Variants in KLHL3 observed in about 807,000 individuals in gnomAD.
The protein encoded by KLHL3 is kelch like family member 3.
In KLHL3, 19 loss-of-function variants were observed where a neutral mutation model predicts 70.5. The ratio of observed to expected loss-of-function variants is 0.27; its 90% CI spans 0.19 to 0.40. The LOEUF (loss-of-function observed/expected upper bound fraction) is 0.40. KLHL3 is among the 10% of genes least tolerant of loss of function. The pLI is 1.00. For synonymous variants in KLHL3, 258 were observed against 290.3 expected (o/e 0.89, Z 1.13); for missense variants, 512 against 771.1 (o/e 0.66, Z 3.98).
chr5:137,682,612 G>A (rs1317430275), intron 5 of KLHL3, among the ~76,000 whole-genome samples: 1 of 152,148 alleles, frequency 6.6e-6, no homozygotes, highest in Non-Finnish European at 1.5e-5. Context: ...TAGAGGAAGT[G>A]ATAGTCTTTG....
chr5:137,696,782 C>A (rs930519210), intron 4 of KLHL3, among the ~76,000 whole-genome samples: 1 of 152,144 alleles, frequency 6.6e-6, no homozygotes, highest in South Asian at 2.1e-4. Context: ...AAGGAGGAAT[C>A]ATATTGGTAT....
At chr5:137,631,524 A>G (rs539654128) in intron 12 of KLHL3, among the ~76,000 whole-genome samples, 1 of 152,360 alleles carries the variant, frequency 6.6e-6, no homozygotes, top group African/African-American at 2.4e-5. Flanking sequence ...CAGCTTTGTC[A>G]ACTGAAGACT....
chr5:137,639,087 C>T lies in KLHL3; in HGVS notation c.1085G>A (p.Arg362Gln), dbSNP rs771615693. Residue 362 changes from arginine (R) to glutamine (Q), a missense_variant, in exon 10 of 15, where the codon CGG becomes CAG. Physicochemically the swap from Arg to Gln is conservative, Grantham distance 43. Coordinates refer to ENST00000309755, the MANE Select transcript of KLHL3 (RefSeq NM_017415.3). The surrounding 1 kb of genome is among the most constrained non-coding windows in gnomAD (Gnocchi z 5.0). ...VGGFNGSLRVRTVDVYDGVKD... is the reference protein window; with the variant it reads ...VGGFNGSLRVQTVDVYDGVKD... ...CACGCCGTCATACACATCCACTGTC[C>T]GCACCCGCAGTGAGCCATTAAACCC... The T allele has an allele frequency of 4.1e-5, 66 of 1,613,904 alleles. No homozygotes were observed. Among genetic ancestry groups the T allele is most frequent in the East Asian group, 4.5e-5 (2 of 44,866 alleles).
Position 137,658,122 on chromosome 5 carries a change from G to A in KLHL3, c.903+9C>T. 6.2e-7 allele frequency: 1 copy of A among 1,609,588 alleles called. No individual in the cohort carries two copies. Among genetic ancestry groups the A allele is most frequent in the South Asian group, 1.1e-5 (1 of 90,500 alleles). ...CCTGACTCTTGGTGGTGATTGGGCT[G>A]GGGCTTACCTTGGGAAGGCTGACTG... On this transcript the variant is annotated intron_variant, in intron 8 of 14. Transcript: ENST00000309755.
In KLHL3 at chr5:137,633,898, C is replaced by T. The variant is rs903532701; in HGVS notation, c.1450+139G>A. 66 of 1,135,236 alleles carry T rather than the reference C, an allele frequency of 5.8e-5. No individual in the cohort carries two copies. In the Middle Eastern group the frequency reaches 7.3e-4, roughly 13 times the overall value. The allele number at this position is 1,135,236 out of a possible 1,614,324, so 70.3% of individuals were successfully genotyped here. A position where few individuals can be genotyped will look rare whatever the true frequency, so the allele number is the denominator to read the frequency against. ...ATTTGCGTGATGGGTACACTAGAAGCCCAAACTCGACCATTATGCAATATA... is the reference window on the plus strand; with the variant it reads ...ATTTGCGTGATGGGTACACTAGAAGTCCAAACTCGACCATTATGCAATATA... On this transcript the variant is annotated intron_variant, in intron 12 of 14. Transcript: ENST00000309755.
chr5:137,714,907 C>T (rs1463569400), intron 2 of KLHL3, among the ~76,000 whole-genome samples: 5 of 152,144 alleles, frequency 3.3e-5, no homozygotes, highest in African/African-American at 1.2e-4. Flanking sequence ...GAGCAGAGAA[C>T]TGTTTGCAAT....
At chr5:137,658,850 A>T (rs1751407403) in intron 7 of KLHL3, among the ~76,000 whole-genome samples, 2 of 152,222 alleles carry the variant, frequency 1.3e-5, no homozygotes, top group South Asian at 4.1e-4. Flanking sequence ...TCCTTCTAAC[A>T]GAGTAACAAC....
intron 13 of KLHL3, 83 bp downstream of exon 13, chr5:137,628,214 A>T: frequency 6.6e-7 from 1 of 1,524,254 alleles, no homozygotes; most frequent in South Asian, 1.2e-5. Context: ...ACCCTGGGAA[A>T]TCTCCCTGCT....
At chr5:137,684,152 C>A (rs941997546) in intron 5 of KLHL3, among the ~76,000 whole-genome samples, 2 of 152,172 alleles carry the variant, frequency 1.3e-5, no homozygotes, top group African/African-American at 4.8e-5. Flanking sequence ...TGATCTTGGA[C>A]AAGTTACTAA....
rs773246714 is a variant in KLHL3 at position 137,720,527 on chromosome 5, C to T, written c.72G>A (p.Arg24=). ...IQAGDDEKNQ[R]TITVNPAHMG... is the part of the protein sequence containing the mutation. The stretch of plus-strand genomic sequence containing the variant: ...TGTGGGCAGGGTTGACAGTGATCGT[C>T]CTCTGGTTCTTCTCATCATCCCCAG... Residue 24 remains arginine (R), a synonymous_variant, in exon 2 of 15, where the codon AGG becomes AGA. Transcript: ENST00000309755. 2.5e-6 allele frequency: 4 copies of T among 1,614,024 alleles called. No individual in the cohort carries two copies. The South Asian group carries it at 3.3e-5, about 13-fold the overall frequency.
At chr5:137,735,215 A>T (rs1005006592) in intron 1 of KLHL3, among the ~76,000 whole-genome samples, 6 of 152,246 alleles carry the variant, frequency 3.9e-5, no homozygotes, top group African/African-American at 1.4e-4. Context: ...CAAGTACACT[A>T]TGTCAGGTCA....
At chr5:137,677,687 A>C (rs1156475137) in intron 5 of KLHL3, 33 bp from the exon 6 acceptor site, 1 of 1,394,404 alleles carries the variant, frequency 7.2e-7, no homozygotes. Flanking sequence ...AAGTTAAGAA[A>C]ACAAAGTTGT....
intron 11 of KLHL3, among the ~76,000 whole-genome samples, chr5:137,636,562 C>T (rs970995392): frequency 1.3e-5 from 2 of 152,160 alleles, no homozygotes; most frequent in Non-Finnish European, 2.9e-5. Flanking sequence ...GAAAGAACAC[C>T]GGCTTAGGAG....
intron 3 of KLHL3, among the ~76,000 whole-genome samples, chr5:137,699,457 C>A (rs1012620006): frequency 6.6e-6 from 1 of 152,082 alleles, no homozygotes; most frequent in African/African-American, 2.4e-5. Context: ...GAAATGACAT[C>A]AACAGATGGG....
At chr5:137,709,187 T>C (rs754633207) in intron 3 of KLHL3, among the ~76,000 whole-genome samples, 1 of 152,338 alleles carries the variant, frequency 6.6e-6, no homozygotes, top group East Asian at 1.9e-4. Context: ...TATACCTATT[T>C]CTCATCCCCC....
intron 8 of KLHL3, among the ~76,000 whole-genome samples, chr5:137,644,631 C>T (rs1262582480): frequency 6.6e-6 from 1 of 152,080 alleles, no homozygotes. Context: ...ACAGAAAACC[C>T]AAACAGACCA....
chr5:137,649,148 T>C (rs55675511), intron 8 of KLHL3, among the ~76,000 whole-genome samples: 27,956 of 152,188 alleles, frequency 0.18, 2,754 homozygotes, highest in Non-Finnish European at 0.22. Flanking sequence ...AGCCATTTAC[T>C]AATTGTGCTT....
chr5:137,633,897 G>T, intron 12 of KLHL3, 140 bp downstream of exon 12: 1 of 1,116,712 alleles, frequency 9.0e-7, no homozygotes, highest in Non-Finnish European at 1.3e-6. Context: ...TACACTAGAA[G>T]CCCAAACTCG....
intron 2 of KLHL3, among the ~76,000 whole-genome samples, chr5:137,712,287 T>A (rs1056091171): frequency 6.6e-6 from 1 of 151,606 alleles, no homozygotes; most frequent in East Asian, 1.9e-4. Context: ...CAAACAAATG[T>A]CAGGGTGTGT....
Sources: allele counts gnomAD v4.1 joint callset (sites outside exome capture counted in the v4.1 genomes callset), GRCh38; gene constraint gnomAD v4.1.1; non-coding constraint Gnocchi (gnomAD v3.1); transcripts MANE v1.5; gene names NCBI Gene and HGNC (gene_info 2026-07-23, HGNC 2026-07-21).